Variants in JMJD1C observed in about 807,000 individuals in gnomAD.
The protein encoded by JMJD1C is jumonji domain containing 1C.
A neutral mutation model predicts 245.3 loss-of-function variants in JMJD1C; 31 were observed. That is an observed-to-expected ratio of 0.13 (90% confidence interval 0.09 to 0.17). The LOEUF (loss-of-function observed/expected upper bound fraction) is 0.17. Among genes scored for constraint, JMJD1C ranks in the 10% least tolerant of loss-of-function variants. The pLI, the probability that JMJD1C is intolerant of heterozygous loss-of-function variation, is 1.00. For missense variants in JMJD1C, 2,691 were observed against 3,000.2 expected (o/e 0.90, Z 2.41); for synonymous variants, 1,057 against 1,017.4 (o/e 1.04, Z -0.74).
chr10:63,515,719 T>C (rs1279878937), intron 1 of JMJD1C, among the ~76,000 whole-genome samples: 1 of 152,224 alleles, frequency 6.6e-6, no homozygotes, highest in Non-Finnish European at 1.5e-5. Context: ...CAGTTATTTA[T>C]TTGTTGTCAG....
intron 2 of JMJD1C, among the ~76,000 whole-genome samples, chr10:63,290,605 A>G (rs1298005165): frequency 3.3e-5 from 5 of 152,212 alleles, no homozygotes; most frequent in Admixed American, 3.3e-4. Flanking sequence ...TTCTGAAGCG[A>G]TAATATAGGG....
Position 63,465,546 on chromosome 10 carries a change from C to G in JMJD1C, c.117G>C (p.Ala39=), listed in dbSNP as rs1474835524. ...TGTGTGACACGGCTCGGATGACCCC[C>G]GCTCGCCAGCTTCGCCAGCCGCGTC... The part of the protein sequence containing the change: ...ESGRGWRSWR[A]GVIRAVSHRD... Residue 39 remains alanine, a synonymous_variant, in exon 1 of 26, where the codon GCG becomes GCC. Coordinates refer to ENST00000399262, the MANE Select transcript of JMJD1C (RefSeq NM_032776.3). 6.2e-7 allele frequency: 1 copy of G among 1,602,764 alleles called. No homozygotes were observed. The highest frequency in any genetic ancestry group is 8.5e-7 in the Non-Finnish European group (1 of 1,178,240).
intron 1 of JMJD1C, among the ~76,000 whole-genome samples, chr10:63,492,365 TA>T (rs1954205360): frequency 6.6e-6 from 1 of 152,154 alleles, no homozygotes; most frequent in African/African-American, 2.4e-5. Context: ...AATAAAGATT[TA>T]AAAGATTATA....
intron 1 of JMJD1C, among the ~76,000 whole-genome samples, chr10:63,425,755 C>T (rs943004904): frequency 8.5e-5 from 13 of 152,276 alleles, no homozygotes; most frequent in African/African-American, 3.1e-4. Flanking sequence ...GCACTCCGGC[C>T]TGGGAAACAG....
At chr10:63,369,182 C>A (rs1336287981) in intron 2 of JMJD1C, among the ~76,000 whole-genome samples, 2 of 151,650 alleles carry the variant, frequency 1.3e-5, no homozygotes, top group Non-Finnish European at 2.9e-5. Context: ...TCGTCTCACT[C>A]TGTTGCCCAG....
Position 63,400,081 on chromosome 10 carries a change from G to A in JMJD1C, c.169-19599C>T, listed in dbSNP as rs369475226. On this transcript the variant is annotated intron_variant, in intron 1 of 25. Transcript: ENST00000399262. ...TACAGTAGCAATCACAGCTTAAAAG[G>A]TATTGTTTTTGATTTTTATACCTAC... Among the ~76,000 whole-genome samples the A allele has an allele frequency of 2.6e-5, 4 of 152,066 alleles. No individual in the cohort carries two copies. The South Asian group carries it at 8.3e-4, about 32-fold the overall frequency.
chr10:63,514,510 A>C (rs1053966512), intron 1 of JMJD1C, among the ~76,000 whole-genome samples: 10 of 152,212 alleles, frequency 6.6e-5, no homozygotes, highest in African/African-American at 2.4e-4. Context: ...CATTATCCTA[A>C]GCAAATTAAG....
At chr10:63,471,384 A>G (rs538750716) in intron 1 of JMJD1C, among the ~76,000 whole-genome samples, 2 of 152,316 alleles carry the variant, frequency 1.3e-5, no homozygotes, top group East Asian at 1.9e-4. Flanking sequence ...TTCCTCACCA[A>G]TGAAGCTAGG....
intron 1 of JMJD1C, among the ~76,000 whole-genome samples, chr10:63,422,655 C>T (rs1950190569): frequency 6.6e-6 from 1 of 152,148 alleles, no homozygotes; most frequent in Non-Finnish European, 1.5e-5. Flanking sequence ...CTATATGCTA[C>T]TTTTTGCGTA....
chr10:63,425,846 A>G (rs1258782528), intron 1 of JMJD1C, among the ~76,000 whole-genome samples: 1 of 152,224 alleles, frequency 6.6e-6, no homozygotes. Context: ...CTCTGCAAAT[A>G]CATTCCCCTC....
intron 3 of JMJD1C, 107 bp from the exon 4 acceptor site, chr10:63,220,090 T>A: frequency 1.4e-6 from 1 of 706,802 alleles, no homozygotes; most frequent in Non-Finnish European, 2.3e-6. Flanking sequence ...TCCTTTGATC[T>A]AAATGTATGC....
At chr10:63,322,163 T>C (rs926423227) in intron 2 of JMJD1C, among the ~76,000 whole-genome samples, 6 of 152,208 alleles carry the variant, frequency 3.9e-5, no homozygotes, top group Admixed American at 6.5e-5. Context: ...CTCTCTCATG[T>C]TGGGAAAGCT....
intron 24 of JMJD1C, among the ~76,000 whole-genome samples, chr10:63,172,780 C>T (rs575211685): frequency 1.3e-5 from 2 of 150,358 alleles, no homozygotes; most frequent in South Asian, 2.1e-4. Flanking sequence ...GACAGAAAAA[C>T]GATTCCAAGC....
chr10:63,191,821 C>A (rs10400193), intron 16 of JMJD1C, among the ~76,000 whole-genome samples: 3,702 of 151,356 alleles, frequency 0.024, 109 homozygotes, highest in African/African-American at 0.068. Flanking sequence ...CCTGTCTCTA[C>A]TAAAAATATA....
At chr10:63,411,905 ATTTT>A (rs1174450794) in intron 1 of JMJD1C, among the ~76,000 whole-genome samples, 4 of 126,192 alleles carry the variant, frequency 3.2e-5, no homozygotes, top group African/African-American at 1.2e-4. Context: ...GCCTGGCCCA[ATTTT>A]TTTTTTTTTT....
intron 24 of JMJD1C, among the ~76,000 whole-genome samples, chr10:63,170,703 C>T (rs1300440946): frequency 3.3e-5 from 5 of 152,112 alleles, no homozygotes; most frequent in African/African-American, 1.2e-4. Flanking sequence ...GAACAGTAAC[C>T]TTTATTAGTG....
intron 1 of JMJD1C, among the ~76,000 whole-genome samples, chr10:63,404,634 G>A (rs1053544666): frequency 2.0e-5 from 3 of 152,054 alleles, no homozygotes; most frequent in African/African-American, 7.2e-5. Context: ...ATTTATGATT[G>A]GAATATAGTA....
chr10:63,413,508 A>G (rs759516581), intron 1 of JMJD1C, among the ~76,000 whole-genome samples: 7 of 152,190 alleles, frequency 4.6e-5, no homozygotes, highest in Non-Finnish European at 8.8e-5. Context: ...ACTACTGGGA[A>G]GGAGGAAGTC....
intron 2 of JMJD1C, among the ~76,000 whole-genome samples, chr10:63,286,584 T>C (rs907336978): frequency 8.5e-5 from 13 of 152,306 alleles, no homozygotes; most frequent in African/African-American, 1.7e-4. Flanking sequence ...AGAGCTTACA[T>C]TGGAAAGCTG....
Sources: gnomAD v4.1 joint callset for allele counts (sites outside exome capture counted in the v4.1 genomes callset) on GRCh38, gnomAD v4.1.1 for gene constraint, MANE v1.5 for transcripts, NCBI Gene and HGNC (gene_info 2026-07-23, HGNC 2026-07-21) for gene names.